The following EDNRB variants were observed in gnomAD, a reference collection of about 807,000 sequenced individuals.
The protein encoded by EDNRB is endothelin receptor type B.
In EDNRB, 18 loss-of-function variants were observed where a neutral mutation model predicts 46.4. The ratio of observed to expected loss-of-function variants is 0.39; its 90% CI spans 0.27 to 0.57. The LOEUF (loss-of-function observed/expected upper bound fraction) is 0.57, where lower values mean the gene tolerates loss of function less well. Among genes scored for constraint, EDNRB ranks in the 20% least tolerant of loss-of-function variants. EDNRB has a pLI of 0.61. For synonymous variants in EDNRB, 213 were observed against 204.9 expected (o/e 1.04, Z -0.34); for missense variants, 434 against 537.5 (o/e 0.81, Z 1.90).
At chr13:77,927,701 A>G (rs896299560) in intron 1 of EDNRB, among the ~76,000 whole-genome samples, 1 of 152,364 alleles carries the variant, frequency 6.6e-6, no homozygotes, top group East Asian at 1.9e-4. Context: ...TTATCCATTC[A>G]TTAATCTAGA....
Position 77,896,677 on chromosome 13 carries a change from A to T in EDNRB, c.*1523T>A. On this transcript the variant is annotated 3_prime_UTR_variant, in exon 7 of 7. Transcript: ENST00000646607. ...CATTGCACTGTGTTTTGCTGGAACA[A>T]AATCAGGACCTTTTGCATTGATGTG... 1 of 1,459,268 alleles carries T rather than the reference A, an allele frequency of 6.9e-7. No homozygotes were observed. Among genetic ancestry groups the T allele is most frequent in the Non-Finnish European group, 9.0e-7 (1 of 1,111,716 alleles). The allele number at this position is 1,459,268 out of a possible 1,614,324, so 90.4% of individuals were successfully genotyped here.
At chr13:77,939,465 A>G in intron 1 of EDNRB, 1 of 152,328 alleles carries the variant, frequency 6.6e-6, no homozygotes, top group East Asian at 1.9e-4. Flanking sequence ...TAGTGTTGTC[A>G]TGTGTGTATT....
At chr13:77,929,487 C>T (rs1205729598) in intron 1 of EDNRB, among the ~76,000 whole-genome samples, 3 of 152,086 alleles carry the variant, frequency 2.0e-5, no homozygotes, top group Non-Finnish European at 4.4e-5. Flanking sequence ...ATAGATTTCC[C>T]CTTCTGTAAC....
chr13:77,959,037 T>A (rs1881322581), intron 1 of EDNRB, among the ~76,000 whole-genome samples: 1 of 152,230 alleles, frequency 6.6e-6, no homozygotes, highest in African/African-American at 2.4e-5. Context: ...TGATCTCTCA[T>A]AAGTGTACTT....
intron 1 of EDNRB, among the ~76,000 whole-genome samples, chr13:77,968,046 A>T (rs1881628720): frequency 6.6e-6 from 1 of 152,176 alleles, no homozygotes; most frequent in African/African-American, 2.4e-5. Context: ...ATGAATTATG[A>T]CTGAACTCTG....
At chr13:77,956,577 T>A (rs1454524493) in intron 1 of EDNRB, among the ~76,000 whole-genome samples, 2 of 152,232 alleles carry the variant, frequency 1.3e-5, no homozygotes, top group African/African-American at 4.8e-5. Context: ...TTGTATTAGC[T>A]TTTTATTACT....
At chr13:77,916,476 A>C (rs1247235434) in intron 1 of EDNRB, among the ~76,000 whole-genome samples, 1 of 152,202 alleles carries the variant, frequency 6.6e-6, no homozygotes, top group Non-Finnish European at 1.5e-5. Flanking sequence ...ATTGCCATAC[A>C]GGATTTTAGG....
At chr13:77,970,958 T>G (rs1219447245) in intron 1 of EDNRB, among the ~76,000 whole-genome samples, 1 of 152,178 alleles carries the variant, frequency 6.6e-6, no homozygotes, top group Admixed American at 6.5e-5. Flanking sequence ...AGTTTCTTCA[T>G]GCTTTGGCTG....
intron 1 of EDNRB, among the ~76,000 whole-genome samples, chr13:77,947,338 G>C (rs1351256495): frequency 6.9e-6 from 1 of 145,286 alleles, no homozygotes; most frequent in Non-Finnish European, 1.5e-5. Flanking sequence ...GTTTTGCCAT[G>C]TTGGGCAGGC....
chr13:77,903,500 A>G lies in EDNRB; in HGVS notation c.591T>C (p.Ile197=). 1.2e-6 allele frequency: 2 copies of G among 1,612,846 alleles called. No homozygotes were observed. Among genetic ancestry groups the G allele is most frequent in the Non-Finnish European group, 1.7e-6 (2 of 1,179,230 alleles). The stretch of plus-strand genomic sequence containing the variant: ...GATTAAATAGAAGCTTCTACCTGTC[A>G]ATACTCAGAGCACATAGACTCAGCA... ...ITVLSLCALS[I]DRYRAVASWS... The change falls in exon 2 of 7, where the codon ATT becomes ATC. Residue 197 remains isoleucine, a synonymous_variant. Transcript: ENST00000646607.
upstream of EDNRB, chr13:77,919,345 A>C (rs375434962): frequency 5.1e-6 from 8 of 1,561,690 alleles, no homozygotes; most frequent in African/African-American, 5.4e-5. Context: ...CCGAAGCCCC[A>C]GAATAAGGTT....
chr13:77,931,752 AAAAAAAAAC>A (rs1164907510), intron 1 of EDNRB, among the ~76,000 whole-genome samples: 5 of 138,066 alleles, frequency 3.6e-5, no homozygotes, highest in African/African-American at 1.4e-4. Context: ...AGCAAAAAAA[AAAAAAAAAC>A]AAAAAAAAAA....
At chr13:77,958,831 G>C (rs1424857057) in intron 1 of EDNRB, among the ~76,000 whole-genome samples, 2 of 152,204 alleles carry the variant, frequency 1.3e-5, no homozygotes, top group African/African-American at 2.4e-5. Context: ...GAAGGCTTAT[G>C]TTCAAGTGTA....
chr13:77,959,062 T>A (rs1232792683), intron 1 of EDNRB, among the ~76,000 whole-genome samples: 1 of 152,200 alleles, frequency 6.6e-6, no homozygotes, highest in Admixed American at 6.5e-5. Context: ...TATTGAGAGA[T>A]TATAGGCGAT....
intron 1 of EDNRB, among the ~76,000 whole-genome samples, chr13:77,954,208 G>A (rs2137677137): frequency 6.6e-6 from 1 of 152,122 alleles, no homozygotes; most frequent in East Asian, 1.9e-4. Flanking sequence ...TAGGTACTAT[G>A]TTTTACAGAA....
intron 1 of EDNRB, among the ~76,000 whole-genome samples, chr13:77,952,967 C>T (rs1183015095): frequency 6.6e-6 from 1 of 152,154 alleles, no homozygotes; most frequent in Non-Finnish European, 1.5e-5. Flanking sequence ...AGCCAGCTCA[C>T]CAGTTTCTAG....
At chr13:77,924,859 A>G (rs1880188473) in intron 1 of EDNRB, among the ~76,000 whole-genome samples, 2 of 152,278 alleles carry the variant, frequency 1.3e-5, no homozygotes, top group South Asian at 4.1e-4. Context: ...TGTCCTGTAC[A>G]AGCTCCTTTT....
chr13:77,940,993 G>A (rs1880729291), intron 1 of EDNRB, among the ~76,000 whole-genome samples: 1 of 152,200 alleles, frequency 6.6e-6, no homozygotes, highest in Non-Finnish European at 1.5e-5. Flanking sequence ...TTTTTGGAAA[G>A]CTACAATGAT....
intron 1 of EDNRB, among the ~76,000 whole-genome samples, chr13:77,914,665 AC>A (rs1651124194): frequency 1.3e-5 from 2 of 152,142 alleles, no homozygotes. Context: ...AACACAGGAG[AC>A]CTGTGAGAGT....
Sources: allele counts gnomAD v4.1 joint callset (sites outside exome capture counted in the v4.1 genomes callset), GRCh38; gene constraint gnomAD v4.1.1; transcripts MANE v1.5; gene names NCBI Gene and HGNC (gene_info 2026-07-23, HGNC 2026-07-21).